Variants in CADPS2 observed in about 807,000 individuals in gnomAD.
CADPS2 encodes the protein calcium dependent secretion activator 2.
In CADPS2, 93 loss-of-function variants were observed where a neutral mutation model predicts 172.5. That is an observed-to-expected ratio of 0.54 (90% CI 0.46 to 0.64). The LOEUF is 0.64. Among genes scored for constraint, CADPS2 ranks in the 30% least tolerant of loss-of-function variants. The pLI, the probability that CADPS2 is intolerant of heterozygous loss-of-function variation, is 0.00. For missense variants in CADPS2, 1,420 were observed against 1,565.9 expected (o/e 0.91, Z 1.57); for synonymous variants, 546 against 555.2 (o/e 0.98, Z 0.23).
At chr7:122,698,029 T>C in intron 2 of CADPS2, 1 of 1,613,582 alleles carries the variant, frequency 6.2e-7, no homozygotes, top group Admixed American at 1.7e-5. Flanking sequence ...AATATCACAT[T>C]TGCAAATGGG....
intron 17 of CADPS2, among the ~76,000 whole-genome samples, chr7:122,434,646 C>T (rs1251452309): frequency 2.0e-5 from 3 of 152,060 alleles, no homozygotes; most frequent in Non-Finnish European, 4.4e-5. Flanking sequence ...AGAGGAGAAA[C>T]ACATCATAAC....
chr7:122,648,043 T>G (rs1231843067), intron 3 of CADPS2, among the ~76,000 whole-genome samples: 1 of 152,190 alleles, frequency 6.6e-6, no homozygotes, highest in Non-Finnish European at 1.5e-5. Context: ...AAGTCAATAG[T>G]GTTTTCCAAC....
rs553662196 is a variant in CADPS2, at chr7:122,477,231, T to C, written c.1862-2714A>G. Among the ~76,000 whole-genome samples, 7 of 152,228 alleles carry C rather than the reference T, an allele frequency of 4.6e-5. 2 individuals are homozygous for C. The highest frequency in any genetic ancestry group is 1.7e-4 in the African/African-American group (7 of 41,552). The stretch of plus-strand genomic sequence containing the variant: ...AAGTGTTTATAACATTACTGAAAAC[T>C]GACGGGCACAATGGCTCATGCCTGT... On this transcript the variant is annotated intron_variant, in intron 12 of 29. Transcript: ENST00000449022.
intron 1 of CADPS2, among the ~76,000 whole-genome samples, chr7:122,848,491 G>C (rs946956736): frequency 2.3e-4 from 35 of 152,118 alleles, no homozygotes; most frequent in African/African-American, 6.3e-4. Flanking sequence ...ACCCCCAAAG[G>C]CTCTAAAATA....
intron 2 of CADPS2, among the ~76,000 whole-genome samples, chr7:122,734,114 T>TG (rs759703380): frequency 2.0e-5 from 3 of 151,790 alleles, no homozygotes; most frequent in Non-Finnish European, 4.4e-5. Flanking sequence ...TATGGTGGTA[T>TG]GAGGTCCTTA....
intron 15 of CADPS2, among the ~76,000 whole-genome samples, chr7:122,445,753 T>C (rs2052091744): frequency 6.6e-6 from 1 of 152,150 alleles, no homozygotes; most frequent in Non-Finnish European, 1.5e-5. Flanking sequence ...AAGTTGAGGC[T>C]GCAGTGAGCA....
chr7:122,605,060 A>T (rs1469940690), intron 6 of CADPS2, among the ~76,000 whole-genome samples: 1 of 152,184 alleles, frequency 6.6e-6, no homozygotes, highest in East Asian at 1.9e-4. Context: ...CAACTGTAAC[A>T]CAAAGGTAAG....
At chr7:122,324,905 G>A (rs1187085439) in intron 29 of CADPS2, among the ~76,000 whole-genome samples, 1 of 152,036 alleles carries the variant, frequency 6.6e-6, no homozygotes, top group Admixed American at 6.6e-5. Context: ...TTCTCTTCAA[G>A]AGCTAAAGTC....
intron 1 of CADPS2, among the ~76,000 whole-genome samples, chr7:122,878,449 G>A (rs1415347996): frequency 1.3e-5 from 2 of 151,756 alleles, no homozygotes; most frequent in Non-Finnish European, 2.9e-5. Context: ...TCAGGAGATC[G>A]AGACCATGGT....
intron 2 of CADPS2, among the ~76,000 whole-genome samples, chr7:122,664,902 A>C (rs2135416798): frequency 6.6e-6 from 1 of 151,522 alleles, no homozygotes; most frequent in South Asian, 2.1e-4. Flanking sequence ...CTCCCACCTC[A>C]GCCTCCCAAG....
chr7:122,366,440 T>TA (rs539508007), intron 25 of CADPS2, among the ~76,000 whole-genome samples: 325 of 135,850 alleles, frequency 2.4e-3, no homozygotes, highest in East Asian at 8.2e-3. Flanking sequence ...CCATCTCTAC[T>TA]AAAAAAAAAA....
At chr7:122,352,800 T>C (rs1242457461) in intron 27 of CADPS2, among the ~76,000 whole-genome samples, 1 of 152,232 alleles carries the variant, frequency 6.6e-6, no homozygotes, top group Non-Finnish European at 1.5e-5. Flanking sequence ...ACTGACTGAT[T>C]ATACCCTAAA....
chr7:122,623,418 A>T (rs1417793865), intron 4 of CADPS2, among the ~76,000 whole-genome samples: 2 of 152,198 alleles, frequency 1.3e-5, no homozygotes, highest in Non-Finnish European at 2.9e-5. Flanking sequence ...GATCCTTTCA[A>T]TGTCGTATGG....
intron 17 of CADPS2, chr7:122,422,195 G>C (rs760043709): frequency 2.0e-5 from 3 of 152,222 alleles, no homozygotes; most frequent in Admixed American, 6.5e-5. Context: ...ACTATAGTTT[G>C]GCAATAGCAG....
chr7:122,425,963 GA>G (rs1185942102), intron 17 of CADPS2: 1 of 152,078 alleles, frequency 6.6e-6, no homozygotes, highest in Non-Finnish European at 1.5e-5. Flanking sequence ...TACTCAAGGA[GA>G]ATGTTTGCCT....
rs531760809 is a variant in CADPS2 at position 122,827,279 on chromosome 7, A to C, written c.339+58720T>G. 1.7e-4 allele frequency among the ~76,000 whole-genome samples: 26 copies of C among 152,310 alleles called. No homozygotes were observed. In the East Asian group the frequency reaches 4.8e-3, roughly 28 times the overall value. The stretch of plus-strand genomic sequence containing the variant: ...CTCACTACTAAGGAAATTGAAATTT[A>C]AAATTGTGATTTAAAAATATCCAAA... On this transcript the variant is annotated intron_variant, in intron 1 of 29. Transcript: ENST00000449022.
intron 6 of CADPS2, among the ~76,000 whole-genome samples, chr7:122,584,701 T>C (rs2069378332): frequency 6.6e-6 from 1 of 152,034 alleles, no homozygotes. Context: ...ATAAATTTGC[T>C]TTAAACACTT....
rs561724363 is a variant in CADPS2, at chr7:122,509,638, G to A, written c.1542+3611C>T. ...ATATCTGTTTGTCTTCAGATGAACT[G>A]TAGTTATGTGCATCAATGTAATCAT... On this transcript the variant is annotated intron_variant, in intron 9 of 29. Transcript: ENST00000449022. 7.2e-4 allele frequency among the ~76,000 whole-genome samples: 109 copies of A among 152,278 alleles called. 1 individual carries two copies. The highest frequency in any genetic ancestry group is 6.8e-3 in the Middle Eastern group (2 of 294).
At position 122,652,109 on chromosome 7, in the gene CADPS2, T is replaced by A. The variant is rs149912701; in HGVS notation, c.786+11128A>T. On this transcript the variant is annotated intron_variant, in intron 3 of 29. Coordinates refer to ENST00000449022, the MANE Select transcript of CADPS2 (RefSeq NM_017954.11). ...TTTTGGAGAACCTCTTCATGATGTA[T>A]CCAGAACCAGAGATTAACCACACCA... Among the ~76,000 whole-genome samples, 410 of 152,328 alleles carry A rather than the reference T, an allele frequency of 2.7e-3. 1 individual carries two copies. Among genetic ancestry groups the A allele is most frequent in the African/African-American group, 8.8e-3 (367 of 41,574 alleles).
Sources: allele counts gnomAD v4.1 joint callset (sites outside exome capture counted in the v4.1 genomes callset), GRCh38; gene constraint gnomAD v4.1.1; transcripts MANE v1.5; gene names NCBI Gene and HGNC (gene_info 2026-07-23, HGNC 2026-07-21).